HIBCH: variants seen among roughly 807,000 people sequenced by gnomAD.
The protein encoded by HIBCH is 3-hydroxyisobutyryl-CoA hydrolase.
A neutral mutation model predicts 58.2 loss-of-function variants in HIBCH; 50 were observed. The observed-to-expected ratio is 0.86, with a 90% CI of 0.68 to 1.09. HIBCH has a LOEUF of 1.09. HIBCH is among the 50% of genes least tolerant of loss of function. The pLI, the probability that HIBCH is intolerant of heterozygous loss-of-function variation, is 0.00. For synonymous variants in HIBCH, 151 were observed against 146.9 expected (o/e 1.03, Z -0.20); for missense variants, 450 against 449.7 (o/e 1.00, Z -0.01).
chr2:190,317,732 A>G (rs1467371503), intron 1 of HIBCH, among the ~76,000 whole-genome samples: 3 of 152,184 alleles, frequency 2.0e-5, no homozygotes, highest in Non-Finnish European at 4.4e-5. Context: ...GGGAGAACTT[A>G]GGTAAGTTTG....
At chr2:190,191,566 A>G (rs768315112) in intron 1 of HIBCH, among the ~76,000 whole-genome samples, 1 of 152,202 alleles carries the variant, frequency 6.6e-6, no homozygotes, top group African/African-American at 2.4e-5. Context: ...AAACTTTTCC[A>G]GAGGCCATGT....
At chr2:190,277,214 G>A (rs530802409) in intron 6 of HIBCH, among the ~76,000 whole-genome samples, 12 of 152,244 alleles carry the variant, frequency 7.9e-5, no homozygotes, top group Non-Finnish European at 1.8e-4. Flanking sequence ...ACCATGTGGA[G>A]AACCACTCAG....
At chr2:190,252,368 C>T in intron 7 of HIBCH, 61 bp from the exon 8 acceptor site, 2 of 1,427,938 alleles carry the variant, frequency 1.4e-6, no homozygotes, top group Non-Finnish European at 2.0e-6. Flanking sequence ...TAAATATAAC[C>T]TTTTTGCCGT....
intron 6 of HIBCH, among the ~76,000 whole-genome samples, chr2:190,271,567 G>A (rs981947878): frequency 1.6e-4 from 24 of 152,090 alleles, no homozygotes; most frequent in African/African-American, 5.8e-4. Context: ...TGGGATTACA[G>A]GTGTGAGCCA....
intron 2 of HIBCH, among the ~76,000 whole-genome samples, chr2:190,301,221 C>T (rs1688253936): frequency 6.6e-6 from 1 of 152,128 alleles, no homozygotes; most frequent in Non-Finnish European, 1.5e-5. Context: ...ATCTCCCATA[C>T]AGAACAAAAG....
chr2:190,229,323 G>C (rs1342566029), intron 11 of HIBCH, among the ~76,000 whole-genome samples: 13 of 152,152 alleles, frequency 8.5e-5, no homozygotes, highest in Admixed American at 6.5e-4. Flanking sequence ...CCTAATTAAA[G>C]AAAACAAATT....
At chr2:190,194,475 TATACACACACACACAC>T (rs1477494876) in intron 1 of HIBCH, among the ~76,000 whole-genome samples, 79 of 126,914 alleles carry the variant, frequency 6.2e-4, no homozygotes, top group African/African-American at 2.0e-3. Context: ...GTATCCTGTG[TATACACACACACACAC>T]ACACACACAC....
At chr2:190,290,032 C>G (rs1423828489) in intron 5 of HIBCH, among the ~76,000 whole-genome samples, 2 of 152,174 alleles carry the variant, frequency 1.3e-5, no homozygotes, top group Non-Finnish European at 2.9e-5. Context: ...GCACTTGCCA[C>G]CGCACCCAGC....
intron 6 of HIBCH, among the ~76,000 whole-genome samples, chr2:190,277,416 C>T (rs1687582745): frequency 6.6e-6 from 1 of 152,152 alleles, no homozygotes; most frequent in African/African-American, 2.4e-5. Flanking sequence ...AGCTCTGTGG[C>T]GCCATCTTTT....
chr2:190,200,249 T>A, downstream of HIBCH: 1 of 918,644 alleles, frequency 1.1e-6, no homozygotes, highest in Non-Finnish European at 1.7e-6. Flanking sequence ...TATCTGGATT[T>A]AAAAATGTGT....
intron 6 of HIBCH, among the ~76,000 whole-genome samples, chr2:190,262,161 G>GAAAAA (rs1553501944): frequency 4.0e-5 from 4 of 99,964 alleles, no homozygotes; most frequent in African/African-American, 2.0e-4. Flanking sequence ...ATGCGGTAGA[G>GAAAAA]ACAAAAAAAA....
rs956471877 is a variant in HIBCH, at chr2:190,197,307, A to G, written c.*18-7310T>C. ...ATTTCTTGAGTAGTAACTAAATACG[A>G]AAGTGTTCAATGAGATTGCTCCACT... On this transcript the variant is annotated intron_variant, in intron 1 of 1. Transcript: ENST00000399855. This position sits in a 1 kb window ranked among gnomAD's most constrained non-coding sequence, Gnocchi z 4.0. Among the ~76,000 whole-genome samples the G allele has an allele frequency of 2.6e-5, 4 of 152,190 alleles. No individual in the cohort carries two copies. Among genetic ancestry groups the G allele is most frequent in the African/African-American group, 9.7e-5 (4 of 41,444 alleles).
intron 9 of HIBCH, among the ~76,000 whole-genome samples, chr2:190,248,681 G>C (rs1468902882): frequency 6.6e-6 from 1 of 151,936 alleles, no homozygotes; most frequent in African/African-American, 2.4e-5. Context: ...GGCCAACATG[G>C]TGAAACCCTG....
At chr2:190,208,987 T>G in intron 12 of HIBCH, 74 bp from the exon 13 acceptor site, 1 of 1,354,362 alleles carries the variant, frequency 7.4e-7, no homozygotes, top group Non-Finnish European at 1.0e-6. Context: ...CTCTCCTCTA[T>G]TCACTTCAGC....
At position 190,304,670 on chromosome 2, in the gene HIBCH, G is replaced by A. The variant is rs1467382493; in HGVS notation, c.78+6084C>T. 1.3e-5 allele frequency among the ~76,000 whole-genome samples: 2 copies of A among 152,114 alleles called. No homozygotes were observed. The highest frequency in any genetic ancestry group is 2.9e-5 in the Non-Finnish European group (2 of 68,010). ...AGTAAGAATAGTAGGCAGTTTGCTA[G>A]GGCTGCCATAACAAAGTACCACAAA... On this transcript the variant is annotated intron_variant, in intron 2 of 13. Coordinates refer to ENST00000359678, the MANE Select transcript of HIBCH (RefSeq NM_014362.4). The surrounding 1 kb of genome is among the most constrained non-coding windows in gnomAD (Gnocchi z 4.1).
At chr2:190,298,589 G>A (rs1000233513) in intron 2 of HIBCH, among the ~76,000 whole-genome samples, 5 of 151,704 alleles carry the variant, frequency 3.3e-5, no homozygotes, top group African/African-American at 4.8e-5. Context: ...CTTTTTGATG[G>A]GTTTTTTTTT....
intron 8 of HIBCH, chr2:190,250,519 A>G (rs1033320480): frequency 3.2e-6 from 1 of 309,290 alleles, no homozygotes; most frequent in Non-Finnish European, 6.7e-6. Flanking sequence ...CTAGCATTGA[A>G]CACATTGACA....
intron 3 of HIBCH, among the ~76,000 whole-genome samples, chr2:190,295,071 T>C (rs375642633): frequency 3.8e-4 from 58 of 152,310 alleles, no homozygotes; most frequent in Non-Finnish European, 6.5e-4. Context: ...AATACGTAAG[T>C]AACATAGTGA....
chr2:190,263,293 C>T (rs1224929358), intron 6 of HIBCH, among the ~76,000 whole-genome samples: 1 of 152,176 alleles, frequency 6.6e-6, no homozygotes, highest in African/African-American at 2.4e-5. Flanking sequence ...GTAGTCAAAT[C>T]TCATTTTTCA....
Sources: gnomAD v4.1 joint callset for allele counts (sites outside exome capture counted in the v4.1 genomes callset) on GRCh38, gnomAD v4.1.1 for gene constraint, Gnocchi (gnomAD v3.1) non-coding constraint, MANE v1.5 for transcripts, NCBI Gene and HGNC (gene_info 2026-07-23, HGNC 2026-07-21) for gene names.